Variants in EIF4G2 observed in about 807,000 individuals in gnomAD.
The protein encoded by EIF4G2 is eukaryotic translation initiation factor 4 gamma 2, also known as DAP-5.
In EIF4G2, 8 loss-of-function variants were observed where a neutral mutation model predicts 117.7. The ratio of observed to expected loss-of-function variants is 0.07; its 90% CI spans 0.04 to 0.12. The LOEUF (loss-of-function observed/expected upper bound fraction) is 0.12. Among genes scored for constraint, EIF4G2 ranks in the 10% least tolerant of loss-of-function variants. EIF4G2 has a pLI of 1.00. For synonymous variants in EIF4G2, 413 were observed against 367.8 expected, an observed-to-expected ratio of 1.12 and a Z score of -1.41; for missense variants, 812 against 1,086.2, an observed-to-expected ratio of 0.75 and a Z score of 3.55.
intron 5 of EIF4G2, 29 bp downstream of exon 5, chr11:10,804,882 CTT>C (rs1564984390): frequency 1.3e-6 from 2 of 1,565,888 alleles, no homozygotes; most frequent in Non-Finnish European, 1.8e-6. Flanking sequence ...TTCCCTCTCC[CTT>C]TTGAGTTAAG....
At position 10,802,226 on chromosome 11, in the gene EIF4G2, G is replaced by A. The variant is rs552307769; in HGVS notation, c.1139-17C>T. 2.5e-5 allele frequency: 40 copies of A among 1,612,156 alleles called. No homozygotes were observed. The East Asian group carries it at 3.6e-4, about 14-fold the overall frequency. ...TTCCGCTACCTTAAAATACATATACGGACAACTCTCAAAACTAAAGTTAAC... is the reference window on the plus strand; with the variant it reads ...TTCCGCTACCTTAAAATACATATACAGACAACTCTCAAAACTAAAGTTAAC... On this transcript the variant is annotated splice_polypyrimidine_tract_variant and intron_variant, in intron 12 of 21. Transcript: ENST00000339995.
chr11:10,797,963 G>A lies in EIF4G2; in HGVS notation c.2659-82C>T. 8.0e-7 allele frequency: 1 copy of A among 1,250,644 alleles called. No individual in the cohort carries two copies. Among genetic ancestry groups the A allele is most frequent in the Non-Finnish European group, 1.2e-6 (1 of 866,080 alleles). 77.5% of individuals were successfully genotyped at this position (1,250,644 alleles called of 1,614,324 possible). ...AAAAAGTTTTAGGTGGTACTACACA[G>A]TTTTAGAATATGAAACAAGGATATC... is the stretch of plus-strand genomic sequence containing the variant. On this transcript the variant is annotated intron_variant, in intron 21 of 21. Transcript: ENST00000339995. The surrounding 1 kb of genome is among the most constrained non-coding windows in gnomAD (Gnocchi z 4.5).
rs200814857 is a variant in EIF4G2, at chr11:10,805,953, C to G, written c.202G>C (p.Ala68Pro). 1.9e-6 allele frequency: 3 copies of G among 1,613,836 alleles called. No homozygotes were observed. In the East Asian group the frequency reaches 6.7e-5, roughly 36 times the overall value. The change falls in exon 4 of 22, where the codon GCA becomes CCA. Residue 68 changes from alanine to proline, a missense_variant. Physicochemically the swap from Ala to Pro is conservative, Grantham distance 27. This residue lies in a region of EIF4G2 where 79 missense variants were observed against 91.5 expected (regional missense o/e 0.86). Transcript: ENST00000339995. ...GCATCATGTCGTTCTTTTTCGTTTG[C>G]GGAGTTGTTTGCTGCGGAGTTGTCA... is the stretch of plus-strand genomic sequence containing the variant.
chr11:10,807,031 T>TATAC, intron 2 of EIF4G2, 146 bp from the exon 3 acceptor site: 4 of 1,116,244 alleles, frequency 3.6e-6, no homozygotes, highest in Non-Finnish European at 5.1e-6. Context: ...ATTTTAGTGC[T>TATAC]TGTATATTAT....
chr11:10,801,628 A>G, intron 14 of EIF4G2, 33 bp downstream of exon 14: 1 of 1,580,992 alleles, frequency 6.3e-7, no homozygotes, highest in Non-Finnish European at 8.7e-7. Context: ...GAATGGACAA[A>G]CTATGGTATA....
intron 11 of EIF4G2, 41 bp downstream of exon 11, chr11:10,802,989 C>T (rs1207595265): frequency 1.3e-6 from 2 of 1,580,354 alleles, no homozygotes; most frequent in Admixed American, 1.7e-5. Flanking sequence ...ATTCTACACA[C>T]ACAGAGTCTA....
rs912924165 is a variant in EIF4G2, at chr11:10,807,050, T to A, written c.42-165A>T. 6.2e-6 allele frequency: 7 copies of A among 1,120,936 alleles called. No individual in the cohort carries two copies. The Admixed American group carries it at 1.0e-4, about 16-fold the overall frequency. The allele number at this position is 1,120,936 out of a possible 1,614,324, so 69.4% of individuals were successfully genotyped here. On this transcript the variant is annotated intron_variant, in intron 2 of 21. Coordinates refer to ENST00000339995, the MANE Select transcript of EIF4G2 (RefSeq NM_001418.4). ...TAGTGCTTGTATATTATGCTACAAA[T>A]GAAGACTGAACTCGGACCCAAAGGA...
At chr11:10,805,820 C>G in intron 4 of EIF4G2, 87 bp downstream of exon 4, 4 of 1,580,336 alleles carry the variant, frequency 2.5e-6, no homozygotes, top group South Asian at 2.2e-5. Flanking sequence ...TGGGCATGAA[C>G]CTTGCCTTCT....
chr11:10,802,582 C>T, intron 11 of EIF4G2, 147 bp from the exon 12 acceptor site: 1 of 1,158,056 alleles, frequency 8.6e-7, no homozygotes, highest in Non-Finnish European at 1.2e-6. Flanking sequence ...AAATGGCAGA[C>T]AAGGCTGGGC....
Position 10,800,133 on chromosome 11 carries a change from T to G in EIF4G2, c.2076A>C (p.Glu692Asp). 6.2e-7 allele frequency: 1 copy of G among 1,614,086 alleles called. No homozygotes were observed. Among genetic ancestry groups the G allele is most frequent in the Admixed American group, 1.7e-5 (1 of 60,008 alleles). ...TATTGACCTTGCTTTGTTGAAAAAGTTCTGTTAACCATTCTCGATCTTGTA... is the reference window on the plus strand; with the variant it reads ...TATTGACCTTGCTTTGTTGAAAAAGGTCTGTTAACCATTCTCGATCTTGTA... The change falls in exon 18 of 22, where the codon GAA becomes GAC. Residue 692 changes from glutamate (E) to aspartate (D), a missense_variant. Glu to Asp is a conservative substitution (Grantham distance 45, BLOSUM62 2). This residue lies in a region of EIF4G2 where 571 missense variants were observed against 642.3 expected (regional missense o/e 0.89). Coordinates refer to ENST00000339995, the MANE Select transcript of EIF4G2 (RefSeq NM_001418.4).
chr11:10,808,427 G>C (rs1269450935), intron 1 of EIF4G2: 1 of 1,260,524 alleles, frequency 7.9e-7, no homozygotes. Context: ...CCGTGCCTCG[G>C]TCCGCCACGG....
In EIF4G2 at chr11:10,803,857, A is replaced by C. The variant is rs1564983799; in HGVS notation, c.702+42T>G. 1.9e-6 allele frequency: 3 copies of C among 1,585,202 alleles called. No individual in the cohort carries two copies. The highest frequency in any genetic ancestry group is 2.6e-6 in the Non-Finnish European group (3 of 1,163,170). On this transcript the variant is annotated intron_variant, in intron 8 of 21. Coordinates refer to ENST00000339995, the MANE Select transcript of EIF4G2 (RefSeq NM_001418.4). This position sits in a 1 kb window ranked among gnomAD's most constrained non-coding sequence, Gnocchi z 4.0. ...GATGAATAATTGACTCATTTCCTCC[A>C]AACGACTGACTACATTCGCCTAACT...
intron 19 of EIF4G2, 53 bp downstream of exon 19, chr11:10,799,499 C>A: frequency 6.2e-7 from 1 of 1,609,472 alleles, no homozygotes; most frequent in Admixed American, 1.7e-5. Flanking sequence ...GTCTCCTACG[C>A]TTCTTTTCCA....
intron 5 of EIF4G2, chr11:10,804,659 C>A: frequency 1.6e-6 from 1 of 611,050 alleles, no homozygotes. Context: ...GTGTTTTCCA[C>A]AAAAGAAAAA....
chr11:10,801,004 A>C lies in EIF4G2; in HGVS notation c.1497T>G (p.Pro499=). The change falls in exon 15 of 22, where the codon CCT becomes CCG. Residue 499 remains proline (P), a synonymous_variant. Transcript: ENST00000339995. Reference sequence around the variant, plus strand: ...TTTGAGTGCGTGGTGGTTGTGCACTAGGAGGAATCATAGTTATCTGGGGCT... The same window carrying C: ...TTTGAGTGCGTGGTGGTTGTGCACTCGGAGGAATCATAGTTATCTGGGGCT... The C allele has an allele frequency of 6.2e-7, 1 of 1,614,212 alleles. No individual in the cohort carries two copies. The highest frequency in any genetic ancestry group is 8.5e-7 in the Non-Finnish European group (1 of 1,180,014).
chr11:10,802,115 C>T lies in EIF4G2; in HGVS notation c.1233G>A (p.Gly411=), dbSNP rs1376693211. ...ATTGTGTGGGAGGCATGATGTGTCC[C>T]CCATGGCCATTGAAGAGTTGATTTG... Residue 411 remains glycine (G), a synonymous_variant, in exon 13 of 22, where the codon GGG becomes GGA. Coordinates refer to ENST00000339995, the MANE Select transcript of EIF4G2 (RefSeq NM_001418.4). The T allele has an allele frequency of 1.6e-6, 2 of 1,220,184 alleles. No homozygotes were observed. The allele number at this position is 1,220,184 out of a possible 1,614,324, so 75.6% of individuals were successfully genotyped here. A position where few individuals can be genotyped will look rare whatever the true frequency, so the allele number is the denominator to read the frequency against.
rs1231412424 is a variant in EIF4G2 at position 10,806,396 on chromosome 11, C to T, written c.108-349G>A. The T allele has an allele frequency of 8.8e-6, 3 of 342,400 alleles. No individual in the cohort carries two copies. The East Asian group carries it at 1.8e-4, about 21-fold the overall frequency. The allele number at this position is 342,400 out of a possible 1,614,324, so 21.2% of individuals were successfully genotyped here. On this transcript the variant is annotated intron_variant, in intron 3 of 21. Coordinates refer to ENST00000339995, the MANE Select transcript of EIF4G2 (RefSeq NM_001418.4). ...CTTGCTGTCTTGCCCAGGCTGATCT[C>T]AAACTCTTGGGTTCAAGCGACCCTC... is the stretch of plus-strand genomic sequence containing the variant.
At position 10,806,984 on chromosome 11, in the gene EIF4G2, G is replaced by T. The variant is rs1847593777; in HGVS notation, c.42-99C>A. 3.5e-6 allele frequency: 5 copies of T among 1,414,428 alleles called. No individual in the cohort carries two copies. In the South Asian group the frequency reaches 4.7e-5, roughly 13 times the overall value. The allele number at this position is 1,414,428 out of a possible 1,614,324, so 87.6% of individuals were successfully genotyped here. A position where few individuals can be genotyped will look rare whatever the true frequency, so the allele number is the denominator to read the frequency against. ...GTTTTGCTTTGCTTGTAGAGATGGG[G>T]GTCTCGCTATTTTGCCCAGACTGGA... On this transcript the variant is annotated intron_variant, in intron 2 of 21. Coordinates refer to ENST00000339995, the MANE Select transcript of EIF4G2 (RefSeq NM_001418.4).
Position 10,799,223 on chromosome 11 carries a change from G to A in EIF4G2, c.2526C>T (p.Asn842=), listed in dbSNP as rs757823580. ...TACAAGTCCTCTCACCTTTTGGGAA[G>A]TTGCTGTTATAGCAGTGCACCTGGA... Residue 842 remains asparagine (N), a synonymous_variant, in exon 20 of 22, where the codon AAC becomes AAT. Transcript: ENST00000339995. 1.2e-6 allele frequency: 2 copies of A among 1,614,058 alleles called. No homozygotes were observed. Among genetic ancestry groups the A allele is most frequent in the South Asian group, 2.2e-5 (2 of 91,076 alleles).
Sources: allele counts gnomAD v4.1 joint callset, GRCh38; gene constraint gnomAD v4.1.1; regional missense constraint gnomAD v4.1.1; non-coding constraint Gnocchi (gnomAD v3.1); transcripts MANE v1.5; gene names NCBI Gene and HGNC (gene_info 2026-07-23, HGNC 2026-07-21).